LOC400499: variants seen among roughly 807,000 people sequenced by gnomAD.
At chr16:11,447,189 T>C in the LOC400499 span, among the ~76,000 whole-genome samples, 1 of 152,324 alleles carries the variant, frequency 6.6e-6, no homozygotes, top group Non-Finnish European at 1.5e-5. Context: ...ACACAGCATC[T>C]GGTGTCACAC....
the LOC400499 span, chr16:11,449,092 C>CT: frequency 6.9e-7 from 1 of 1,458,302 alleles, no homozygotes; most frequent in African/African-American, 1.4e-5. Flanking sequence ...TGTGCCAAGA[C>CT]TGTCACTGTG....
At chr16:11,430,941 T>C in the LOC400499 span, 2 of 398,090 alleles carry the variant, frequency 5.0e-6, no homozygotes, top group East Asian at 3.6e-5. Flanking sequence ...GATGCTGGAG[T>C]TGGAGCATCA....
chr16:11,496,574 C>T, the LOC400499 span, among the ~76,000 whole-genome samples: 13 of 152,024 alleles, frequency 8.6e-5, no homozygotes, highest in African/African-American at 1.4e-4. Flanking sequence ...CCCTAGTATG[C>T]GTGTATTTCC....
chr16:11,482,558 G>C, the LOC400499 span, among the ~76,000 whole-genome samples: 18 of 152,270 alleles, frequency 1.2e-4, no homozygotes, highest in Non-Finnish European at 1.9e-4. Context: ...ATACACCACA[G>C]ACTGGGAGAA....
the LOC400499 span, chr16:11,459,925 C>T: frequency 4.0e-6 from 6 of 1,486,334 alleles, no homozygotes; most frequent in East Asian, 1.3e-4. Context: ...AGGGCGGGCC[C>T]CGAGTCATTC....
the LOC400499 span, chr16:11,475,771 A>C: frequency 5.0e-6 from 2 of 397,624 alleles, no homozygotes; most frequent in East Asian, 7.1e-5. Context: ...TTCATTAGAC[A>C]AGTAACACCT....
the LOC400499 span, among the ~76,000 whole-genome samples, chr16:11,434,361 A>T: frequency 2.0e-5 from 3 of 152,178 alleles, no homozygotes; most frequent in Non-Finnish European, 1.5e-5. Flanking sequence ...GTTCCTACAA[A>T]AAAAGTACAA....
chr16:11,496,869 T>G, the LOC400499 span, among the ~76,000 whole-genome samples: 8 of 150,712 alleles, frequency 5.3e-5, no homozygotes, highest in East Asian at 1.6e-3. Context: ...GGTACGTGAG[T>G]CTTGGCGTGT....
chr16:11,491,689 C>A, the LOC400499 span: 2 of 375,646 alleles, frequency 5.3e-6, no homozygotes, highest in East Asian at 3.8e-5. Context: ...CACACACACA[C>A]CCATGGCTCA....
At chr16:11,469,486 C>A in the LOC400499 span, 1 of 399,102 alleles carries the variant, frequency 2.5e-6, no homozygotes. Flanking sequence ...GCGCAGTGAG[C>A]AGGGAGGGAC....
chr16:11,514,183 G>A, the LOC400499 span, among the ~76,000 whole-genome samples: 3 of 152,180 alleles, frequency 2.0e-5, no homozygotes, highest in African/African-American at 4.8e-5. Context: ...GCCTCAGAAA[G>A]AGCCTGGAGA....
the LOC400499 span, among the ~76,000 whole-genome samples, chr16:11,479,542 G>A: frequency 6.6e-6 from 1 of 151,958 alleles, no homozygotes; most frequent in East Asian, 1.9e-4. Flanking sequence ...AGGATCGCTT[G>A]AGCCCAGGAG....
At chr16:11,384,279 A>G in the LOC400499 span, 1 of 1,231,328 alleles carries the variant, frequency 8.1e-7, no homozygotes, top group Non-Finnish European at 1.0e-6. Context: ...ACATCAGCTC[A>G]TTGCCTGCTT....
the LOC400499 span, among the ~76,000 whole-genome samples, chr16:11,461,737 C>G: frequency 6.6e-6 from 1 of 152,134 alleles, no homozygotes; most frequent in Admixed American, 6.5e-5. Flanking sequence ...AGCCCCAGCT[C>G]CTGTCCTTAC....
the LOC400499 span, among the ~76,000 whole-genome samples, chr16:11,380,598 A>G: frequency 1.3e-5 from 2 of 152,196 alleles, no homozygotes; most frequent in Non-Finnish European, 2.9e-5. Context: ...TTTGTAACTT[A>G]TAACCACCTT....
At chr16:11,389,927 G>A in the LOC400499 span, among the ~76,000 whole-genome samples, 37 of 152,280 alleles carry the variant, frequency 2.4e-4, no homozygotes, top group Non-Finnish European at 4.0e-4. Context: ...CAGTGCTCAC[G>A]AGGTATCTAT....
the LOC400499 span, chr16:11,450,614 G>T: frequency 2.0e-6 from 3 of 1,535,904 alleles, no homozygotes; most frequent in Non-Finnish European, 1.7e-6. Context: ...CTCACCCGGA[G>T]GTAGGTGGTA....
chr16:11,469,138 G>C, the LOC400499 span: 2 of 399,406 alleles, frequency 5.0e-6, no homozygotes, highest in Non-Finnish European at 8.8e-6. Flanking sequence ...GGAGGTGTCA[G>C]GTGCAGACAC....
the LOC400499 span, among the ~76,000 whole-genome samples, chr16:11,403,156 G>A: frequency 2.0e-5 from 3 of 152,102 alleles, no homozygotes; most frequent in East Asian, 5.8e-4. Flanking sequence ...GAGGCTGCCC[G>A]AGGCCCCTGT....
Sources: gnomAD v4.1 joint callset for allele counts (sites outside exome capture counted in the v4.1 genomes callset) on GRCh38, gnomAD v4.1.1 for gene constraint, MANE v1.5 for transcripts.